DNM3: variants seen among roughly 807,000 people sequenced by gnomAD.
The protein encoded by DNM3 is dynamin-3.
A neutral mutation model predicts 101.6 loss-of-function variants in DNM3; 47 were observed. The observed-to-expected ratio is 0.46, with a 90% CI of 0.37 to 0.59. The LOEUF (loss-of-function observed/expected upper bound fraction) is 0.59, where lower values mean the gene tolerates loss of function less well. Ranked by LOEUF, DNM3 falls within the 20% of genes least tolerant of loss-of-function variation. The pLI, the probability that DNM3 is intolerant of heterozygous loss-of-function variation, is 0.00. For missense variants in DNM3, 849 were observed against 1,085.7 expected, an observed-to-expected ratio of 0.78 and a Z score of 3.06; for synonymous variants, 385 against 387.9, an observed-to-expected ratio of 0.99 and a Z score of 0.09.
intron 15 of DNM3, among the ~76,000 whole-genome samples, chr1:172,262,877 C>A (rs540895090): frequency 4.5e-4 from 68 of 152,092 alleles, no homozygotes; most frequent in African/African-American, 1.6e-3. Flanking sequence ...CACCCAAGAT[C>A]TTATTATTAT....
chr1:171,932,653 A>G (rs1321993952), intron 2 of DNM3, among the ~76,000 whole-genome samples: 1 of 152,146 alleles, frequency 6.6e-6, no homozygotes, highest in East Asian at 1.9e-4. Context: ...CTTATTGCTG[A>G]TCTTAAAAGC....
chr1:171,938,495 A>G (rs1181027284), intron 2 of DNM3, among the ~76,000 whole-genome samples: 1 of 152,208 alleles, frequency 6.6e-6, no homozygotes, highest in Non-Finnish European at 1.5e-5. Context: ...ATCAAAATAA[A>G]TTAAAATATA....
chr1:171,872,333 T>G (rs1175308591), intron 1 of DNM3, among the ~76,000 whole-genome samples: 2 of 152,182 alleles, frequency 1.3e-5, no homozygotes, highest in African/African-American at 4.8e-5. Flanking sequence ...CAAAATAGTT[T>G]TTCCTTTTTT....
At chr1:172,289,327 T>C (rs2063815850) in intron 15 of DNM3, among the ~76,000 whole-genome samples, 1 of 152,110 alleles carries the variant, frequency 6.6e-6, no homozygotes, top group African/African-American at 2.4e-5. Context: ...ACTGGTCAGA[T>C]GGGATTTTAT....
Position 171,989,004 on chromosome 1 carries a change from C to T in DNM3, c.445C>T (p.Pro149Ser). 1 of 1,608,078 alleles carries T rather than the reference C, an allele frequency of 6.2e-7. No individual in the cohort carries two copies. Among genetic ancestry groups the T allele is most frequent in the Non-Finnish European group, 8.5e-7 (1 of 1,177,024 alleles). ...GITKVPVGDQ[P>S]PDIEYQIREM... is the part of the protein sequence containing the mutation. The stretch of plus-strand genomic sequence containing the variant: ...AACTAAAGTGCCTGTGGGAGATCAG[C>T]CACCAGATATCGAGTATCAGATCAG... The change falls in exon 4 of 21, where the codon CCA becomes TCA. Residue 149 changes from proline (P) to serine (S), a missense_variant. This residue lies in a region of DNM3 where 388 missense variants were observed against 483.0 expected (regional missense o/e 0.80). Transcript: ENST00000627582.
intron 18 of DNM3, among the ~76,000 whole-genome samples, chr1:172,382,456 C>A (rs1160695219): frequency 6.6e-6 from 1 of 152,004 alleles, no homozygotes; most frequent in African/African-American, 2.4e-5. Context: ...TGTTGGATAC[C>A]CATTATTTTC....
At chr1:171,914,508 AT>A (rs920628706) in intron 1 of DNM3, among the ~76,000 whole-genome samples, 6 of 151,684 alleles carry the variant, frequency 4.0e-5, no homozygotes, top group African/African-American at 7.3e-5. Flanking sequence ...TTGGTTCTGG[AT>A]TTTTTTTTAA....
At chr1:171,953,920 T>G (rs1244955748) in intron 2 of DNM3, among the ~76,000 whole-genome samples, 1 of 152,222 alleles carries the variant, frequency 6.6e-6, no homozygotes. Flanking sequence ...GGGATTTAGT[T>G]TCCTCACCGT....
intron 15 of DNM3, among the ~76,000 whole-genome samples, chr1:172,281,044 A>G (rs1276843633): frequency 6.6e-6 from 1 of 151,874 alleles, no homozygotes. Flanking sequence ...ACTGGAAGTT[A>G]TGAAAAACTA....
chr1:172,333,185 A>AT (rs2066263656), intron 17 of DNM3, among the ~76,000 whole-genome samples: 2 of 152,176 alleles, frequency 1.3e-5, no homozygotes, highest in Admixed American at 1.3e-4. Flanking sequence ...ATTCTTGTGA[A>AT]TTTTTTAGAC....
At chr1:172,064,322 A>C (rs1425998027) in intron 10 of DNM3, among the ~76,000 whole-genome samples, 3 of 152,174 alleles carry the variant, frequency 2.0e-5, no homozygotes, top group Non-Finnish European at 4.4e-5. Context: ...TTTTAATTTG[A>C]CATTCAAATT....
rs542379191 is a variant in DNM3, at chr1:172,276,502, C to T, written c.1769+22820C>T. ...TTTATGTGTAAATTGTGTTATAATT[C>T]TTTTAAATCCTGTAACACAAATTAG... On this transcript the variant is annotated intron_variant, in intron 15 of 20. Transcript: ENST00000627582. Among the ~76,000 whole-genome samples, 3 of 150,782 alleles carry T rather than the reference C, an allele frequency of 2.0e-5. No homozygotes were observed. The East Asian group carries it at 5.8e-4, about 29-fold the overall frequency.
At chr1:172,153,223 A>G (rs1237329749) in intron 14 of DNM3, among the ~76,000 whole-genome samples, 1 of 152,186 alleles carries the variant, frequency 6.6e-6, no homozygotes, top group Non-Finnish European at 1.5e-5. Context: ...TAATTCGATG[A>G]TATGGATAAA....
At chr1:171,993,539 A>G (rs1243396941) in intron 4 of DNM3, among the ~76,000 whole-genome samples, 2 of 132,198 alleles carry the variant, frequency 1.5e-5, no homozygotes, top group Non-Finnish European at 3.1e-5. Context: ...TGATTATGAT[A>G]TCTGTAGGTA....
chr1:172,003,654 C>T (rs1401155822), intron 4 of DNM3, among the ~76,000 whole-genome samples: 2 of 151,586 alleles, frequency 1.3e-5, no homozygotes, highest in African/African-American at 4.8e-5. Context: ...TATTTTTTTC[C>T]ATTGAGATAA....
At chr1:172,120,890 G>A (rs1011083786) in intron 13 of DNM3, among the ~76,000 whole-genome samples, 1 of 152,066 alleles carries the variant, frequency 6.6e-6, no homozygotes, top group Non-Finnish European at 1.5e-5. Flanking sequence ...GTTTATTCTT[G>A]TATTTCCAGT....
At chr1:172,349,418 T>C (rs17368984) in intron 17 of DNM3, among the ~76,000 whole-genome samples, 12,097 of 152,250 alleles carry the variant, frequency 0.079, 559 homozygotes, top group South Asian at 0.15. Context: ...CATTATTAGA[T>C]CCTTTGCAGG....
intron 18 of DNM3, among the ~76,000 whole-genome samples, chr1:172,382,230 C>T (rs1305856662): frequency 2.6e-5 from 4 of 152,150 alleles, no homozygotes; most frequent in Non-Finnish European, 5.9e-5. Context: ...TCTTTCTGGA[C>T]AGGCTACAGT....
chr1:171,948,911 G>A (rs913159814), intron 2 of DNM3, among the ~76,000 whole-genome samples: 1 of 152,040 alleles, frequency 6.6e-6, no homozygotes, highest in African/African-American at 2.4e-5. Flanking sequence ...CTTCAATTAT[G>A]TAATTTGTTT....
Sources: gnomAD v4.1 joint callset for allele counts (sites outside exome capture counted in the v4.1 genomes callset) on GRCh38, gnomAD v4.1.1 for gene constraint, gnomAD v4.1.1 regional missense constraint, MANE v1.5 for transcripts, NCBI Gene and HGNC (gene_info 2026-07-23, HGNC 2026-07-21) for gene names.